ARHGEF4: variants seen among roughly 807,000 people sequenced by gnomAD.
The protein encoded by ARHGEF4 is Rho guanine nucleotide exchange factor 4, also known as APC-stimulated guanine nucleotide exchange factor 1.
A neutral mutation model predicts 162.0 loss-of-function variants in ARHGEF4; 119 were observed. The observed-to-expected ratio is 0.73, with a 90% CI of 0.63 to 0.86. ARHGEF4 has a LOEUF of 0.86. Among genes scored for constraint, ARHGEF4 ranks in the 40% least tolerant of loss-of-function variants. ARHGEF4 has a pLI of 0.00. For missense variants in ARHGEF4, 2,488 were observed against 2,456.0 expected (o/e 1.01, Z -0.28); for synonymous variants, 1,014 against 979.9 (o/e 1.03, Z -0.65).
In ARHGEF4 at chr2:130,916,378, C is replaced by T; in HGVS notation, c.2432C>T (p.Pro811Leu). The change falls in exon 2 of 14, where the codon CCA (proline) becomes CTA (leucine). Residue 811 changes from proline (P) to leucine (L), a missense_variant. Pro to Leu is a moderately conservative substitution (Grantham distance 98). Around this residue, in one of 6 missense-constraint regions of ARHGEF4, gnomAD observed 1,642 missense variants for 1,481.5 expected, o/e 1.11. Coordinates refer to ENST00000409359, the MANE Select transcript of ARHGEF4 (RefSeq NM_001367493.1). Reference protein sequence around the residue: ...RKGRPLATESPGGVPAPTTEG... With the variant: ...RKGRPLATESLGGVPAPTTEG... ...GGCAGGCCCTTGGCCACTGAGAGCC[C>T]AGGAGGGGTCCCGGCCCCGACCACC... 6.5e-7 allele frequency: 1 copy of T among 1,536,620 alleles called. No homozygotes were observed. Among genetic ancestry groups the T allele is most frequent in the African/African-American group, 1.4e-5 (1 of 72,726 alleles).
chr2:130,886,399 G>A (rs1351876068), intron 1 of ARHGEF4, among the ~76,000 whole-genome samples: 1 of 151,904 alleles, frequency 6.6e-6, no homozygotes, highest in Non-Finnish European at 1.5e-5. Context: ...GGATGATTTG[G>A]CCGGGCATGG....
chr2:130,905,396 C>T (rs758655092), intron 1 of ARHGEF4, among the ~76,000 whole-genome samples: 2 of 152,098 alleles, frequency 1.3e-5, no homozygotes, highest in Non-Finnish European at 2.9e-5. Context: ...AGTGAAATTA[C>T]GTAGTCAGTG....
chr2:131,030,585 G>GA (rs1218700608), intron 5 of ARHGEF4, among the ~76,000 whole-genome samples: 2 of 152,252 alleles, frequency 1.3e-5, no homozygotes, highest in Admixed American at 1.3e-4. Context: ...CTGCAGGCTG[G>GA]TGCTGGGGAG....
chr2:131,035,037 G>T (rs1690139145), intron 5 of ARHGEF4: 1 of 991,494 alleles, frequency 1.0e-6, no homozygotes. Context: ...CGGGCCACCG[G>T]CTCGGCCCTG....
At position 130,915,485 on chromosome 2, in the gene ARHGEF4, C is replaced by T. The variant is rs756487825; in HGVS notation, c.1539C>T (p.Ser513=). Residue 513 remains serine, a synonymous_variant, in exon 2 of 14, where the codon AGC becomes AGT. Coordinates refer to ENST00000409359, the MANE Select transcript of ARHGEF4 (RefSeq NM_001367493.1). ...ATTACACATCAAAGTATGTGCTCAGCGAGGAAAGCAAGTCACCTACCAGGG... is the reference window on the plus strand; with the variant it reads ...ATTACACATCAAAGTATGTGCTCAGTGAGGAAAGCAAGTCACCTACCAGGG... ...TSNYTSKYVL[S]EESKSPTRAK... The T allele has an allele frequency of 7.1e-5, 110 of 1,550,350 alleles. 1 individual carries two copies. The highest frequency in any genetic ancestry group is 9.0e-5 in the Non-Finnish European group (103 of 1,146,982).
intron 1 of ARHGEF4, among the ~76,000 whole-genome samples, chr2:130,861,046 T>G (rs1458388556): frequency 1.0e-5 from 1 of 95,382 alleles, no homozygotes; most frequent in East Asian, 3.1e-4. Context: ...ATTAAAAAGA[T>G]TAAACTGTCA....
At chr2:130,945,275 C>T (rs953528821) in intron 3 of ARHGEF4, among the ~76,000 whole-genome samples, 1 of 152,048 alleles carries the variant, frequency 6.6e-6, no homozygotes, top group African/African-American at 2.4e-5. Flanking sequence ...CTTTCATTTT[C>T]CCTCTGCCAT....
In ARHGEF4 at chr2:130,915,384, C is replaced by A; in HGVS notation, c.1438C>A (p.Pro480Thr). Residue 480 changes from proline (P) to threonine (T), a missense_variant, in exon 2 of 14, where the codon CCA becomes ACA. Physicochemically the swap from Pro to Thr is conservative, Grantham distance 38 (BLOSUM62 -1). Coordinates refer to ENST00000409359, the MANE Select transcript of ARHGEF4 (RefSeq NM_001367493.1). Reference sequence around the variant, plus strand: ...GGAACCCCAAGGCACCCAACTCGCACCAAGAGCTGCTGATGAGAGAGAGAC... The same window carrying A: ...GGAACCCCAAGGCACCCAACTCGCAACAAGAGCTGCTGATGAGAGAGAGAC... ...TQEPQGTQLA[P>T]RAADERETQK... The A allele has an allele frequency of 6.4e-7, 1 of 1,550,662 alleles. No homozygotes were observed.
intron 4 of ARHGEF4, among the ~76,000 whole-genome samples, chr2:131,010,198 C>G (rs1050049348): frequency 6.6e-6 from 1 of 152,150 alleles, no homozygotes; most frequent in African/African-American, 2.4e-5. Context: ...TCTAAGATCA[C>G]CTTAAAATCT....
At chr2:130,944,743 T>A (rs1683504390) in intron 3 of ARHGEF4, among the ~76,000 whole-genome samples, 1 of 152,246 alleles carries the variant, frequency 6.6e-6, no homozygotes, top group African/African-American at 2.4e-5. Context: ...TGTGTCTTCT[T>A]GGTGTTGCCA....
intron 11 of ARHGEF4, 42 bp from the exon 12 acceptor site, chr2:131,044,257 G>A (rs777648672): frequency 6.2e-7 from 1 of 1,603,808 alleles, no homozygotes; most frequent in Admixed American, 1.7e-5. Flanking sequence ...AAATGGTCAG[G>A]GGAGCGGTTC....
intron 13 of ARHGEF4, 144 bp downstream of exon 13, chr2:131,045,590 G>C (rs1691187276): frequency 1.3e-6 from 2 of 1,591,432 alleles, no homozygotes; most frequent in East Asian, 4.5e-5. Context: ...TGTTCCCAAA[G>C]GTTGGTAATA....
At chr2:130,848,181 C>T (rs1413654643) in intron 1 of ARHGEF4, among the ~76,000 whole-genome samples, 1 of 152,168 alleles carries the variant, frequency 6.6e-6, no homozygotes, top group African/African-American at 2.4e-5. Flanking sequence ...GGCTTCCCGA[C>T]CTCAGAGGGG....
chr2:130,860,632 C>A lies in ARHGEF4; in HGVS notation c.39+23640C>A, dbSNP rs1681959596. On this transcript the variant is annotated intron_variant, in intron 1 of 13. Transcript: ENST00000409359. ...GGCCGAGGCAGAAGAATGGTGTGAA[C>A]CCGGGAGGCGAAGCTTGCGGTGAGC... 5.0e-5 allele frequency among the ~76,000 whole-genome samples: 6 copies of A among 119,004 alleles called. 3 individuals are homozygous for A. The highest frequency in any genetic ancestry group is 2.7e-4 in the African/African-American group (6 of 22,568). 78.1% of individuals were successfully genotyped at this position (119,004 alleles called of 152,430 possible).
chr2:130,853,534 T>C (rs1209377403), intron 1 of ARHGEF4, among the ~76,000 whole-genome samples: 1 of 152,170 alleles, frequency 6.6e-6, no homozygotes, highest in Non-Finnish European at 1.5e-5. Flanking sequence ...GGGAGGGGCA[T>C]GTCTTCGCTC....
rs551329475 is a variant in ARHGEF4 at position 130,943,584 on chromosome 2, A to C, written c.3859-2925A>C. ...TTTTAACTTAGTTATTGAGCTTTTA[A>C]ATATATTTCTTTGTATAGGTTTTTT... On this transcript the variant is annotated intron_variant, in intron 3 of 13. Coordinates refer to ENST00000409359, the MANE Select transcript of ARHGEF4 (RefSeq NM_001367493.1). Among the ~76,000 whole-genome samples the C allele has an allele frequency of 5.9e-5, 9 of 152,108 alleles. No individual in the cohort carries two copies. In the South Asian group the frequency reaches 6.2e-4, roughly 11 times the overall value.
Position 130,931,092 on chromosome 2 carries a change from G to T in ARHGEF4, c.3693G>T (p.Glu1231Asp), listed in dbSNP as rs1682604870. 2 of 1,614,214 alleles carry T rather than the reference G, an allele frequency of 1.2e-6. No individual in the cohort carries two copies. Among genetic ancestry groups the T allele is most frequent in the East Asian group, 4.5e-5 (2 of 44,876 alleles). ...VTWALLCISA[E>D]TVRGEAPSQP... ...GGGCCCTCCTCTGCATCTCTGCAGA[G>T]ACTGTGCGTGGGGAGGCTCCTTCAC... Residue 1231 changes from glutamate to aspartate, a missense_variant, in exon 3 of 14, where the codon GAG becomes GAT. Glu to Asp is a conservative substitution (Grantham distance 45). This residue lies in a region of ARHGEF4 where 1,642 missense variants were observed against 1,481.5 expected (regional missense o/e 1.11). Transcript: ENST00000409359.
At chr2:130,932,757 T>C (rs1682709422) in intron 3 of ARHGEF4, among the ~76,000 whole-genome samples, 1 of 152,200 alleles carries the variant, frequency 6.6e-6, no homozygotes, top group Non-Finnish European at 1.5e-5. Flanking sequence ...TTTTATACCT[T>C]TCGCTTTTAA....
At chr2:131,035,172 C>CCCCGGCG (rs1029001576) in intron 5 of ARHGEF4, 127 of 1,220,586 alleles carry the variant, frequency 1.0e-4, no homozygotes, top group Non-Finnish European at 1.2e-4. Flanking sequence ...GCAACCTGCC[C>CCCCGGCG]CCCGGCGCCC....
Sources: allele counts gnomAD v4.1 joint callset (sites outside exome capture counted in the v4.1 genomes callset), GRCh38; gene constraint gnomAD v4.1.1; regional missense constraint gnomAD v4.1.1; transcripts MANE v1.5; gene names NCBI Gene and HGNC (gene_info 2026-07-23, HGNC 2026-07-21).